SDK1: variants seen among roughly 807,000 people sequenced by gnomAD.
The protein encoded by SDK1 is sidekick cell adhesion molecule 1.
A neutral mutation model predicts 245.5 loss-of-function variants in SDK1; 157 were observed. The observed-to-expected ratio is 0.64, with a 90% confidence interval of 0.56 to 0.73. The LOEUF (loss-of-function observed/expected upper bound fraction) is 0.73. SDK1 is among the 30% of genes least tolerant of loss of function. SDK1 has a pLI of 0.00. For synonymous variants in SDK1, 1,647 were observed against 1,278.5 expected, an observed-to-expected ratio of 1.29 and a Z score of -6.15; for missense variants, 3,583 against 3,002.3, an observed-to-expected ratio of 1.19 and a Z score of -4.52.
intron 1 of SDK1, among the ~76,000 whole-genome samples, chr7:3,608,275 G>A (rs990958085): frequency 6.6e-6 from 1 of 152,122 alleles, no homozygotes; most frequent in African/African-American, 2.4e-5. Context: ...TCTGCTGTAC[G>A]CCAAAATGTG....
At chr7:3,778,160 A>G (rs1371999153) in intron 4 of SDK1, among the ~76,000 whole-genome samples, 1 of 152,218 alleles carries the variant, frequency 6.6e-6, no homozygotes, top group Non-Finnish European at 1.5e-5. Flanking sequence ...AGTAGTGTAT[A>G]AAATGAAAGT....
At chr7:4,008,314 A>G (rs1394860905) in intron 14 of SDK1, among the ~76,000 whole-genome samples, 1 of 152,246 alleles carries the variant, frequency 6.6e-6, no homozygotes, top group Non-Finnish European at 1.5e-5. Flanking sequence ...TTTGTTAGGA[A>G]TAACGCTCAA....
intron 1 of SDK1, among the ~76,000 whole-genome samples, chr7:3,577,799 T>C (rs979062865): frequency 6.6e-6 from 1 of 152,022 alleles, no homozygotes; most frequent in Non-Finnish European, 1.5e-5. Context: ...CCCCCAACCA[T>C]GTTAGAAGCT....
chr7:4,023,961 A>C (rs1787134261), intron 17 of SDK1, among the ~76,000 whole-genome samples: 4 of 152,244 alleles, frequency 2.6e-5, no homozygotes, highest in Admixed American at 2.0e-4. Context: ...CATTTTTTGA[A>C]TTCATCCATT....
chr7:3,569,312 C>T (rs1287923272), intron 1 of SDK1, among the ~76,000 whole-genome samples: 2 of 152,272 alleles, frequency 1.3e-5, no homozygotes, highest in South Asian at 2.1e-4. Flanking sequence ...CTGCCAGGAC[C>T]GTGCATGATT....
intron 42 of SDK1, among the ~76,000 whole-genome samples, chr7:4,240,599 T>C (rs1185549820): frequency 3.3e-5 from 5 of 152,166 alleles, no homozygotes; most frequent in African/African-American, 1.2e-4. Flanking sequence ...AGGAGCCTCT[T>C]GGGGTTTAGA....
At chr7:3,481,090 GGAATTATTT>G (rs1440008082) in intron 1 of SDK1, among the ~76,000 whole-genome samples, 1 of 152,096 alleles carries the variant, frequency 6.6e-6, no homozygotes, top group African/African-American at 2.4e-5. Flanking sequence ...TAATACATTT[GGAATTATTT>G]GAATTATTTT....
intron 1 of SDK1, among the ~76,000 whole-genome samples, chr7:3,475,367 C>T (rs573882596): frequency 7.9e-5 from 12 of 152,202 alleles, no homozygotes; most frequent in Non-Finnish European, 1.8e-4. Context: ...TTCATAGCAG[C>T]TCATTCTCCA....
intron 1 of SDK1, among the ~76,000 whole-genome samples, chr7:3,467,799 T>A (rs371200352): frequency 7.2e-5 from 11 of 152,294 alleles, no homozygotes; most frequent in African/African-American, 1.4e-4. Context: ...TAAAATTTGT[T>A]CTCTAAATGG....
chr7:3,552,553 A>C (rs1488025176), intron 1 of SDK1, among the ~76,000 whole-genome samples: 1 of 152,164 alleles, frequency 6.6e-6, no homozygotes, highest in East Asian at 1.9e-4. Flanking sequence ...TTTCCTTGGA[A>C]ATAATTATTT....
chr7:4,134,999 T>C (rs1213480191), intron 28 of SDK1, among the ~76,000 whole-genome samples: 1 of 152,222 alleles, frequency 6.6e-6, no homozygotes, highest in Non-Finnish European at 1.5e-5. Flanking sequence ...CGATGTCCTC[T>C]GTAGCCCCGG....
chr7:3,449,132 C>CTTTA (rs1445759168), intron 1 of SDK1, among the ~76,000 whole-genome samples: 1 of 152,172 alleles, frequency 6.6e-6, no homozygotes, highest in Non-Finnish European at 1.5e-5. Flanking sequence ...TGAGTCCTTT[C>CTTTA]TTTACAACAT....
At chr7:3,335,243 A>G (rs73046696) in intron 1 of SDK1, among the ~76,000 whole-genome samples, 27,029 of 152,098 alleles carry the variant, frequency 0.18, 2,390 homozygotes, top group South Asian at 0.22. Context: ...ACAATTTAAA[A>G]TCCTTGCTGT....
chr7:3,353,239 C>G (rs1438964440), intron 1 of SDK1, among the ~76,000 whole-genome samples: 2 of 152,036 alleles, frequency 1.3e-5, no homozygotes, highest in Non-Finnish European at 2.9e-5. Flanking sequence ...TTTTACTATC[C>G]TTTTCTTAAA....
Position 3,794,840 on chromosome 7 carries a change from G to A in SDK1, c.714-26610G>A, listed in dbSNP as rs114572233. On this transcript the variant is annotated intron_variant, in intron 4 of 44. Coordinates refer to ENST00000404826, the MANE Select transcript of SDK1 (RefSeq NM_152744.4). ...CTCTTTCCTCCATTTCATTGGCCCT[G>A]AAGACATCTGTTCTAGATCCTCTGT... Among the ~76,000 whole-genome samples, 815 of 152,150 alleles carry A rather than the reference G, an allele frequency of 5.4e-3. 9 individuals carry two copies. Among genetic ancestry groups the A allele is most frequent in the African/African-American group, 0.019 (783 of 41,506 alleles).
intron 1 of SDK1, among the ~76,000 whole-genome samples, chr7:3,454,059 GCTAA>G (rs770781059): frequency 6.6e-6 from 1 of 151,986 alleles, no homozygotes; most frequent in Non-Finnish European, 1.5e-5. Flanking sequence ...TCATTAAAAG[GCTAA>G]CTTTTTTGTT....
chr7:4,027,994 G>T (rs1022288156), intron 17 of SDK1, among the ~76,000 whole-genome samples: 5 of 151,924 alleles, frequency 3.3e-5, no homozygotes, highest in African/African-American at 1.2e-4. Flanking sequence ...AAGAAAGAAA[G>T]GAGCAGAGAG....
At chr7:4,094,703 C>G (rs930972122) in intron 22 of SDK1, among the ~76,000 whole-genome samples, 1 of 152,182 alleles carries the variant, frequency 6.6e-6, no homozygotes. Flanking sequence ...CAAAGCCAAA[C>G]CATTGACATC....
intron 2 of SDK1, among the ~76,000 whole-genome samples, chr7:3,620,595 A>G (rs1288511516): frequency 1.3e-5 from 2 of 152,072 alleles, no homozygotes; most frequent in Non-Finnish European, 2.9e-5. Flanking sequence ...GAGCCACAGC[A>G]TATTTTTTTA....
Sources: gnomAD v4.1 joint callset for allele counts (sites outside exome capture counted in the v4.1 genomes callset) on GRCh38, gnomAD v4.1.1 for gene constraint, MANE v1.5 for transcripts, NCBI Gene and HGNC (gene_info 2026-07-23, HGNC 2026-07-21) for gene names.